The following UBASH3A variants were observed in gnomAD, a reference collection of about 807,000 sequenced individuals.
The protein encoded by UBASH3A is ubiquitin associated and SH3 domain containing A.
UBASH3A carries 63 observed loss-of-function variants against 73.5 expected under a neutral mutation model. The observed-to-expected ratio is 0.86, with a 90% CI of 0.70 to 1.06. UBASH3A has a LOEUF of 1.06. Among genes scored for constraint, UBASH3A ranks in the 50% least tolerant of loss-of-function variants. The pLI, the probability that UBASH3A is intolerant of heterozygous loss-of-function variation, is 0.00. For missense variants in UBASH3A, 860 were observed against 859.0 expected (o/e 1.00, Z -0.02); for synonymous variants, 363 against 351.1 (o/e 1.03, Z -0.38).
rs2053150185 is a variant in UBASH3A at position 42,413,837 on chromosome 21, C to T, written c.667+314C>T. Among the ~76,000 whole-genome samples the T allele has an allele frequency of 6.6e-6, 1 of 152,174 alleles. No individual in the cohort carries two copies. The highest frequency in any genetic ancestry group is 2.4e-5 in the African/African-American group (1 of 41,458). On this transcript the variant is annotated intron_variant, in intron 5 of 14. Transcript: ENST00000319294. The surrounding 1 kb of genome is among the most constrained non-coding windows in gnomAD (Gnocchi z 4.5). ...CCTCTCCAGGGAAAGATTATTTAGA[C>T]TCATATTCAGAATCATCAAAATTCC...
intron 3 of UBASH3A, 143 bp from the exon 4 acceptor site, chr21:42,412,881 C>A (rs780600807): frequency 9.4e-5 from 72 of 765,676 alleles, no homozygotes; most frequent in Non-Finnish European, 1.4e-4. Context: ...ACCCCAGACA[C>A]AAAGGGACGC....
chr21:42,425,953 G>C (rs528881760), intron 7 of UBASH3A, among the ~76,000 whole-genome samples: 3 of 152,354 alleles, frequency 2.0e-5, no homozygotes, highest in Admixed American at 6.5e-5. Context: ...CCCACAGACA[G>C]AGACAGAGAC....
At chr21:42,437,140 C>T (rs1340663675) in intron 10 of UBASH3A, among the ~76,000 whole-genome samples, 4 of 152,270 alleles carry the variant, frequency 2.6e-5, no homozygotes, top group Admixed American at 6.5e-5. Flanking sequence ...TCCATCTTTG[C>T]AGCCAGCAAT....
intron 7 of UBASH3A, among the ~76,000 whole-genome samples, chr21:42,424,162 C>G (rs1251501884): frequency 1.3e-5 from 2 of 151,880 alleles, no homozygotes; most frequent in Non-Finnish European, 2.9e-5. Flanking sequence ...TCCTACGAGC[C>G]CTGGTCAGGA....
chr21:42,441,687 G>T, intron 11 of UBASH3A, among the ~76,000 whole-genome samples: 1 of 150,558 alleles, frequency 6.6e-6, no homozygotes. Flanking sequence ...GGACTTGGGG[G>T]CCTGGTTGAT....
chr21:42,432,469 A>G (rs2053551255), intron 9 of UBASH3A, among the ~76,000 whole-genome samples: 1 of 136,782 alleles, frequency 7.3e-6, no homozygotes, highest in South Asian at 2.1e-4. Context: ...AGATGGACGT[A>G]TTCTTGAACA....
In UBASH3A at chr21:42,413,829, T is replaced by C. The variant is rs2053150076; in HGVS notation, c.667+306T>C. ...CTCCTTGGCCTCTCCAGGGAAAGAT[T>C]ATTTAGACTCATATTCAGAATCATC... On this transcript the variant is annotated intron_variant, in intron 5 of 14. Coordinates refer to ENST00000319294, the MANE Select transcript of UBASH3A (RefSeq NM_018961.4). This position sits in a 1 kb window ranked among gnomAD's most constrained non-coding sequence, Gnocchi z 4.5. Among the ~76,000 whole-genome samples the C allele has an allele frequency of 6.6e-6, 1 of 152,182 alleles. No individual in the cohort carries two copies. Among genetic ancestry groups the C allele is most frequent in the African/African-American group, 2.4e-5 (1 of 41,436 alleles).
At chr21:42,410,946 C>T (rs1568910071) in intron 3 of UBASH3A, among the ~76,000 whole-genome samples, 2 of 151,034 alleles carry the variant, frequency 1.3e-5, no homozygotes. Context: ...GACACAGAGA[C>T]GTACACACGG....
chr21:42,416,695 G>A (rs2053219192), intron 6 of UBASH3A, 84 bp downstream of exon 6: 1 of 1,308,138 alleles, frequency 7.6e-7, no homozygotes, highest in South Asian at 1.8e-5. Context: ...AGCACTTTGG[G>A]AGGCCGAGGC....
At chr21:42,435,059 T>C in intron 10 of UBASH3A, 105 bp downstream of exon 10, 3 of 1,402,614 alleles carry the variant, frequency 2.1e-6, no homozygotes, top group Non-Finnish European at 2.9e-6. Flanking sequence ...TTTGATACAG[T>C]GTTAGCTTTG....
chr21:42,436,451 T>C (rs1055026441), intron 10 of UBASH3A, among the ~76,000 whole-genome samples: 2 of 152,146 alleles, frequency 1.3e-5, no homozygotes, highest in African/African-American at 4.8e-5. Flanking sequence ...ACATTTTCTG[T>C]CTTCCTCTTC....
chr21:42,423,217 G>A (rs939584108), intron 7 of UBASH3A, among the ~76,000 whole-genome samples: 3 of 152,214 alleles, frequency 2.0e-5, no homozygotes, highest in Non-Finnish European at 4.4e-5. Context: ...AACAGTCATG[G>A]CCATCCCAGA....
chr21:42,437,656 T>A, intron 11 of UBASH3A, 76 bp downstream of exon 11: 1 of 1,345,652 alleles, frequency 7.4e-7, no homozygotes, highest in Non-Finnish European at 1.1e-6. Context: ...GGGAAGGGAG[T>A]GGAGGTGGAA....
chr21:42,405,297 C>T (rs1282143489), intron 1 of UBASH3A, among the ~76,000 whole-genome samples: 1 of 152,198 alleles, frequency 6.6e-6, no homozygotes, highest in Non-Finnish European at 1.5e-5. Flanking sequence ...CCACTGCTCA[C>T]CACCCAGTGC....
chr21:42,413,316 G>T lies in UBASH3A; in HGVS notation c.553+94G>T. On this transcript the variant is annotated intron_variant, in intron 4 of 14. Coordinates refer to ENST00000319294, the MANE Select transcript of UBASH3A (RefSeq NM_018961.4). This position sits in a 1 kb window ranked among gnomAD's most constrained non-coding sequence, Gnocchi z 4.5. ...CTAGCCCCCGGCACATGGATGCAGT[G>T]GGTGGGTTCCAGGGGAGCAGAGCCC... 1 of 1,552,434 alleles carries T rather than the reference G, an allele frequency of 6.4e-7. No homozygotes were observed.
intron 2 of UBASH3A, 123 bp from the exon 3 acceptor site, chr21:42,409,299 A>G (rs954352145): frequency 2.1e-6 from 2 of 975,372 alleles, no homozygotes; most frequent in African/African-American, 3.3e-5. Context: ...ATGAGCATAT[A>G]TGATGTCTTC....
Position 42,406,318 on chromosome 21 carries a change from T to G in UBASH3A, c.124T>G (p.Leu42Val), listed in dbSNP as rs1568905218. 1.2e-6 allele frequency: 2 copies of G among 1,614,014 alleles called. No individual in the cohort carries two copies. The highest frequency in any genetic ancestry group is 8.5e-7 in the Non-Finnish European group (1 of 1,179,910). The change falls in exon 2 of 15, where the codon TTG becomes GTG. Residue 42 changes from leucine to valine, a missense_variant. Coordinates refer to ENST00000319294, the MANE Select transcript of UBASH3A (RefSeq NM_018961.4). ...TCTGCTCTTCTGCAGGCTGAAAGCGTTGGCAGCCACGGGGAGGAAGACGGC... is the reference window on the plus strand; with the variant it reads ...TCTGCTCTTCTGCAGGCTGAAAGCGGTGGCAGCCACGGGGAGGAAGACGGC... ...GFPVHTALKA[L>V]AATGRKTAEE... is the part of the protein sequence containing the mutation.
At chr21:42,404,175 AC>A (rs1308069684) in intron 1 of UBASH3A, 117 bp downstream of exon 1, 5 of 487,730 alleles carry the variant, frequency 1.0e-5, no homozygotes, top group Non-Finnish European at 1.7e-5. Context: ...AAAGCAGTGC[AC>A]CTTGCAGGGT....
intron 10 of UBASH3A, among the ~76,000 whole-genome samples, chr21:42,436,178 G>T (rs1568935218): frequency 6.6e-6 from 1 of 152,060 alleles, no homozygotes; most frequent in Non-Finnish European, 1.5e-5. Context: ...TAGAGTTATA[G>T]AGTTAGTTAT....
Sources: gnomAD v4.1 joint callset for allele counts (sites outside exome capture counted in the v4.1 genomes callset) on GRCh38, gnomAD v4.1.1 for gene constraint, Gnocchi (gnomAD v3.1) non-coding constraint, MANE v1.5 for transcripts, NCBI Gene and HGNC (gene_info 2026-07-23, HGNC 2026-07-21) for gene names.